The following CERS6 variants were observed in gnomAD, a reference collection of about 807,000 sequenced individuals.
CERS6 encodes the protein ceramide synthase 6.
In CERS6, 26 loss-of-function variants were observed where a neutral mutation model predicts 56.8. The observed-to-expected ratio is 0.46, with a 90% CI of 0.34 to 0.63. CERS6 has a LOEUF of 0.63. CERS6 is among the 30% of genes least tolerant of loss of function. The probability of loss-of-function intolerance (pLI) is 0.01; values close to 1 mark genes in which losing one functional copy is unlikely to be tolerated. For missense variants in CERS6, 415 were observed against 467.5 expected (o/e 0.89, Z 1.04); for synonymous variants, 164 against 173.3 (o/e 0.95, Z 0.42).
rs1376497525 is a variant in CERS6 at position 168,772,447 on chromosome 2, A to G, written c.*2785A>G. On this transcript the variant is annotated 3_prime_UTR_variant, in exon 10 of 10. Transcript: ENST00000305747. ...TATATGTATGTTTCTCCAAAAAGTG[A>G]TAAAACCAAAATATCACTGACTCAT... is the stretch of plus-strand genomic sequence containing the variant. 1.3e-5 allele frequency: 2 copies of G among 152,634 alleles called. No individual in the cohort carries two copies. Among genetic ancestry groups the G allele is most frequent in the African/African-American group, 4.8e-5 (2 of 41,452 alleles). The allele number at this position is 152,634 out of a possible 1,614,324, so 9.5% of individuals were successfully genotyped here.
chr2:168,609,749 G>T (rs1684138752), intron 3 of CERS6, among the ~76,000 whole-genome samples: 1 of 152,094 alleles, frequency 6.6e-6, no homozygotes, highest in Non-Finnish European at 1.5e-5. Context: ...ATTCTGCCTT[G>T]TTCTCTTCGG....
chr2:168,660,727 A>G (rs937830037), intron 4 of CERS6, among the ~76,000 whole-genome samples: 1 of 151,800 alleles, frequency 6.6e-6, no homozygotes, highest in Non-Finnish European at 1.5e-5. Flanking sequence ...TTTTTTTGCT[A>G]TCGCATAGTC....
intron 4 of CERS6, among the ~76,000 whole-genome samples, chr2:168,662,600 G>A (rs1184961766): frequency 6.6e-6 from 1 of 152,142 alleles, no homozygotes; most frequent in Non-Finnish European, 1.5e-5. Context: ...GCGTGGTGGC[G>A]GGCGGCTGTA....
At chr2:168,668,590 G>A (rs1246217637) in intron 4 of CERS6, among the ~76,000 whole-genome samples, 3 of 151,820 alleles carry the variant, frequency 2.0e-5, no homozygotes, top group Non-Finnish European at 4.4e-5. Context: ...GGGATTACAG[G>A]TACCTGCCAC....
Position 168,485,102 on chromosome 2 carries a change from G to A in CERS6, c.170+28484G>A, listed in dbSNP as rs192145002. Among the ~76,000 whole-genome samples, 8 of 151,748 alleles carry A rather than the reference G, an allele frequency of 5.3e-5. 1 individual carries two copies. In the East Asian group the frequency reaches 1.4e-3, roughly 26 times the overall value. On this transcript the variant is annotated intron_variant, in intron 1 of 9. Coordinates refer to ENST00000305747, the MANE Select transcript of CERS6 (RefSeq NM_203463.3). Reference sequence around the variant, plus strand: ...TTGGAGAAAATGAAAATGTCCTTTGGTGCCATTTAAAAATCTTGACCCTTA... The same window carrying A: ...TTGGAGAAAATGAAAATGTCCTTTGATGCCATTTAAAAATCTTGACCCTTA...
chr2:168,465,930 C>G (rs1693863812), intron 1 of CERS6, among the ~76,000 whole-genome samples: 1 of 151,854 alleles, frequency 6.6e-6, no homozygotes, highest in Non-Finnish European at 1.5e-5. Context: ...GAAATTACTG[C>G]CTTCATTTTC....
intron 1 of CERS6, among the ~76,000 whole-genome samples, chr2:168,495,795 G>A (rs375866659): frequency 7.2e-5 from 11 of 152,184 alleles, no homozygotes; most frequent in African/African-American, 2.7e-4. Context: ...CTTTCAGGGG[G>A]GGCATGATTG....
At chr2:168,738,955 G>A (rs1256774750) in intron 8 of CERS6, among the ~76,000 whole-genome samples, 2 of 151,636 alleles carry the variant, frequency 1.3e-5, no homozygotes, top group East Asian at 3.9e-4. Flanking sequence ...GCACTATCTC[G>A]GCTAACTGCA....
intron 4 of CERS6, among the ~76,000 whole-genome samples, chr2:168,679,193 A>G (rs1025446643): frequency 1.3e-5 from 2 of 152,164 alleles, no homozygotes; most frequent in African/African-American, 4.8e-5. Flanking sequence ...GGGTGGGGAG[A>G]CGTTTGTCAA....
chr2:168,578,053 A>C (rs1252537666), intron 3 of CERS6, among the ~76,000 whole-genome samples: 1 of 152,164 alleles, frequency 6.6e-6, no homozygotes, highest in Non-Finnish European at 1.5e-5. Context: ...TCACTATAGG[A>C]ATGGGAAACT....
intron 8 of CERS6, among the ~76,000 whole-genome samples, chr2:168,757,525 A>T (rs903587730): frequency 6.6e-6 from 1 of 152,184 alleles, no homozygotes; most frequent in Non-Finnish European, 1.5e-5. Context: ...TATAACGTGC[A>T]CTGCTAAATG....
At chr2:168,466,022 T>TTA (rs1693866922) in intron 1 of CERS6, among the ~76,000 whole-genome samples, 1 of 152,090 alleles carries the variant, frequency 6.6e-6, no homozygotes, top group Admixed American at 6.5e-5. Context: ...TTTTTTTTTT[T>TTA]TTAACTGCTT....
At chr2:168,635,636 C>G (rs1684845172) in intron 4 of CERS6, among the ~76,000 whole-genome samples, 1 of 152,190 alleles carries the variant, frequency 6.6e-6, no homozygotes, top group Admixed American at 6.5e-5. Flanking sequence ...GAAATGTACT[C>G]TGATAAATCT....
At chr2:168,458,772 G>A (rs986017585) in intron 1 of CERS6, among the ~76,000 whole-genome samples, 7 of 152,204 alleles carry the variant, frequency 4.6e-5, no homozygotes, top group Non-Finnish European at 1.0e-4. Context: ...TATCTACTTT[G>A]TTTCTTCCTA....
chr2:168,495,659 C>G (rs1694453349), intron 1 of CERS6, among the ~76,000 whole-genome samples: 1 of 152,208 alleles, frequency 6.6e-6, no homozygotes, highest in African/African-American at 2.4e-5. Flanking sequence ...GTAAAGAGCA[C>G]TGAAACTTGA....
chr2:168,714,398 A>G (rs62174432), intron 6 of CERS6, among the ~76,000 whole-genome samples: 4,469 of 152,144 alleles, frequency 0.029, 90 homozygotes, highest in East Asian at 0.074. Flanking sequence ...ACCTTAACCT[A>G]CTGTCCCTTC....
intron 4 of CERS6, among the ~76,000 whole-genome samples, chr2:168,650,695 G>A (rs992042000): frequency 6.7e-6 from 1 of 148,894 alleles, no homozygotes; most frequent in East Asian, 2.0e-4. Flanking sequence ...AATGAAATTT[G>A]CCAGAAGTCC....
intron 8 of CERS6, among the ~76,000 whole-genome samples, chr2:168,738,487 C>A (rs1221595500): frequency 6.6e-6 from 1 of 152,180 alleles, no homozygotes. Context: ...ACAGTGCTTA[C>A]GACTATGGAA....
At chr2:168,496,180 T>A (rs935111391) in intron 1 of CERS6, among the ~76,000 whole-genome samples, 1 of 152,224 alleles carries the variant, frequency 6.6e-6, no homozygotes, top group African/African-American at 2.4e-5. Context: ...ATTCAATTAA[T>A]CTCCCACTAA....
Sources: allele counts gnomAD v4.1 joint callset (sites outside exome capture counted in the v4.1 genomes callset), GRCh38; gene constraint gnomAD v4.1.1; transcripts MANE v1.5; gene names NCBI Gene and HGNC (gene_info 2026-07-23, HGNC 2026-07-21).